Variants in MYH8 observed in about 807,000 individuals in gnomAD.
MYH8 encodes the protein myosin heavy chain 8.
MYH8 carries 168 observed loss-of-function variants against 233.2 expected under a neutral mutation model. The ratio of observed to expected loss-of-function variants is 0.72; its 90% confidence interval spans 0.64 to 0.82. The LOEUF (loss-of-function observed/expected upper bound fraction) is 0.82. Ranked by LOEUF, MYH8 falls within the 40% of genes least tolerant of loss-of-function variation. MYH8 has a pLI of 0.00. For missense variants in MYH8, 1,995 were observed against 2,327.8 expected (o/e 0.86, Z 2.94); for synonymous variants, 785 against 850.6 (o/e 0.92, Z 1.34).
chr17:10,419,026 A>G lies in MYH8; in HGVS notation c.215T>C (p.Leu72Pro). The G allele has an allele frequency of 6.2e-7, 1 of 1,614,090 alleles. No individual in the cohort carries two copies. Among genetic ancestry groups the G allele is most frequent in the Non-Finnish European group, 8.5e-7 (1 of 1,180,030 alleles). Residue 72 changes from leucine (L) to proline (P), a missense_variant, in exon 4 of 40, where the codon CTA (leucine) becomes CCA (proline). Around this residue, in one of 3 missense-constraint regions of MYH8, gnomAD observed 479 missense variants for 600.9 expected, o/e 0.80. Coordinates refer to ENST00000403437, the MANE Select transcript of MYH8 (RefSeq NM_002472.3). This position sits in a 1 kb window ranked among gnomAD's most constrained non-coding sequence, Gnocchi z 4.0. ...GAAGACTTGGTCTTCCCTGACAGTT[A>G]GAGTCTGGTGAGTAAGCAAGAAACC... ...VTVKTEGGAT[L>P]TVREDQVFPM...
Position 10,399,559 on chromosome 17 carries a change from G to A in MYH8, c.3846C>T (p.Arg1282=), listed in dbSNP as rs1297835377. The change falls in exon 28 of 40, where the codon CGC becomes CGT. Residue 1282 remains arginine (R), a synonymous_variant. Transcript: ENST00000403437. The stretch of plus-strand genomic sequence containing the variant: ...TGTCTTTACCCGCTTCTGTCTGCAG[G>A]CGCGCTCTCTGTGCTGTGAGGTCAT... ...LINDLTAQRA[R]LQTEAGEYSR... 10 of 1,613,504 alleles carry A rather than the reference G, an allele frequency of 6.2e-6. No individual in the cohort carries two copies. Among genetic ancestry groups the A allele is most frequent in the Non-Finnish European group, 8.5e-6 (10 of 1,180,016 alleles).
intron 17 of MYH8, among the ~76,000 whole-genome samples, chr17:10,408,598 C>T (rs893919042): frequency 4.6e-5 from 7 of 152,240 alleles, no homozygotes; most frequent in Admixed American, 1.3e-4. Context: ...AGAGATATTT[C>T]GTATCTTAAT....
chr17:10,415,831 A>G lies in MYH8; in HGVS notation c.512-123T>C, dbSNP rs7216301. Reference sequence around the variant, plus strand: ...TTTGAAGATGTCACCTTTGGTTTTGATTTTGTGTTTATCCTCCAAAATAGC... The same window carrying G: ...TTTGAAGATGTCACCTTTGGTTTTGGTTTTGTGTTTATCCTCCAAAATAGC... On this transcript the variant is annotated intron_variant, in intron 5 of 39. Coordinates refer to ENST00000403437, the MANE Select transcript of MYH8 (RefSeq NM_002472.3). This position sits in a 1 kb window ranked among gnomAD's most constrained non-coding sequence, Gnocchi z 4.1. 530,225 of 1,177,878 alleles carry G rather than the reference A, an allele frequency of 0.45. 126,069 individuals are homozygous for G. Among genetic ancestry groups the G allele is most frequent in the East Asian group, 0.85 (33,072 of 38,998 alleles). 73.0% of individuals were successfully genotyped at this position (1,177,878 alleles called of 1,614,324 possible).
chr17:10,401,472 A>G (rs1417362222), intron 23 of MYH8, 21 bp from the exon 24 acceptor site: 3 of 1,614,080 alleles, frequency 1.9e-6, no homozygotes, highest in Non-Finnish European at 2.5e-6. Flanking sequence ...TAAGAAAGAG[A>G]TTATTTCTCC....
chr17:10,400,254 A>T lies in MYH8; in HGVS notation c.3735+136T>A, dbSNP rs971998592. 5.7e-6 allele frequency: 7 copies of T among 1,224,102 alleles called. No homozygotes were observed. Among genetic ancestry groups the T allele is most frequent in the Non-Finnish European group, 8.3e-6 (7 of 844,244 alleles). 75.8% of individuals were successfully genotyped at this position (1,224,102 alleles called of 1,614,324 possible). A position where few individuals can be genotyped will look rare whatever the true frequency, so the allele number is the denominator to read the frequency against. On this transcript the variant is annotated intron_variant, in intron 27 of 39. Transcript: ENST00000403437. The surrounding 1 kb of genome is among the most constrained non-coding windows in gnomAD (Gnocchi z 4.0). ...TCGATCATAACCAGCATTTTAAAAA[A>T]TACCATAGAATGGGATATATTTGGT...
chr17:10,398,545 C>G lies in MYH8; in HGVS notation c.4077G>C (p.Glu1359Asp). The change falls in exon 30 of 40, where the codon GAG becomes GAC. Residue 1359 changes from glutamate to aspartate, a missense_variant. Physicochemically the swap from Glu to Asp is conservative, Grantham distance 45. This residue lies in a region of MYH8 where 1,498 missense variants were observed against 1,680.9 expected (regional missense o/e 0.89). Coordinates refer to ENST00000403437, the MANE Select transcript of MYH8 (RefSeq NM_002472.3). Reference sequence around the variant, plus strand: ...TGGCCTTGGACAGCGCCCTCTGCAGCTCAGCTTTGCCTTCCTGCTCTTCCT... The same window carrying G: ...TGGCCTTGGACAGCGCCCTCTGCAGGTCAGCTTTGCCTTCCTGCTCTTCCT... Reference protein sequence around the residue: ...QYEEEQEGKAELQRALSKANS... With the variant: ...QYEEEQEGKADLQRALSKANS... 6.2e-7 allele frequency: 1 copy of G among 1,614,202 alleles called. No homozygotes were observed. The highest frequency in any genetic ancestry group is 1.6e-4 in the Middle Eastern group (1 of 6,062).
chr17:10,407,763 C>A (rs902019302), intron 17 of MYH8, among the ~76,000 whole-genome samples: 2 of 151,536 alleles, frequency 1.3e-5, no homozygotes, highest in African/African-American at 4.9e-5. Context: ...TACCTGATAC[C>A]AGGAGGCAGA....
chr17:10,415,674 C>G lies in MYH8; in HGVS notation c.539+7G>C. ...TTGCAAATCAGAGAAGAAAAAAAAT[C>G]ACATACGTGATCAGGATGGACTGAT... On this transcript the variant is annotated splice_region_variant and intron_variant, in intron 6 of 39. Transcript: ENST00000403437. The surrounding 1 kb of genome is among the most constrained non-coding windows in gnomAD (Gnocchi z 4.1). The G allele has an allele frequency of 6.2e-7, 1 of 1,613,964 alleles. No homozygotes were observed. The highest frequency in any genetic ancestry group is 8.5e-7 in the Non-Finnish European group (1 of 1,179,890).
Position 10,419,611 on chromosome 17 carries a change from T to C in MYH8, c.210+407A>G, listed in dbSNP as rs563878921. 1.3e-5 allele frequency among the ~76,000 whole-genome samples: 2 copies of C among 152,256 alleles called. No individual in the cohort carries two copies. Among genetic ancestry groups the C allele is most frequent in the Non-Finnish European group, 2.9e-5 (2 of 68,046 alleles). Reference sequence around the variant, plus strand: ...TTATCAGTTTATATCCTTTTTTTCTTATTTTAGTAGGCTAAATTTTTATTT... The same window carrying C: ...TTATCAGTTTATATCCTTTTTTTCTCATTTTAGTAGGCTAAATTTTTATTT... On this transcript the variant is annotated intron_variant, in intron 3 of 39. Transcript: ENST00000403437. This position sits in a 1 kb window ranked among gnomAD's most constrained non-coding sequence, Gnocchi z 4.0.
At position 10,415,455 on chromosome 17, in the gene MYH8, C is replaced by G. The variant is rs2072281771; in HGVS notation, c.648+17G>C. On this transcript the variant is annotated intron_variant, in intron 7 of 39. Coordinates refer to ENST00000403437, the MANE Select transcript of MYH8 (RefSeq NM_002472.3). The surrounding 1 kb of genome is among the most constrained non-coding windows in gnomAD (Gnocchi z 4.1). ...GAGAGCCTTGACAGAGGTTTTGACT[C>G]TGGCTATCAGACCTACCTGCATTTT... is the stretch of plus-strand genomic sequence containing the variant. 1 of 1,613,810 alleles carries G rather than the reference C, an allele frequency of 6.2e-7. No homozygotes were observed. Among genetic ancestry groups the G allele is most frequent in the Non-Finnish European group, 8.5e-7 (1 of 1,179,674 alleles).
In MYH8 at chr17:10,409,207, A is replaced by G. The variant is rs202174032; in HGVS notation, c.1898-43T>C. 81 of 1,613,552 alleles carry G rather than the reference A, an allele frequency of 5.0e-5. No individual in the cohort carries two copies. The East Asian group carries it at 1.8e-3, about 35-fold the overall frequency. On this transcript the variant is annotated intron_variant, in intron 16 of 39. Transcript: ENST00000403437. ...CCCGTGAATAAGAATAGAATACCAGAGGCTTATATGAACATGTATTATAAC... is the reference window on the plus strand; with the variant it reads ...CCCGTGAATAAGAATAGAATACCAGGGGCTTATATGAACATGTATTATAAC...
At position 10,419,165 on chromosome 17, in the gene MYH8, G is replaced by T. The variant is rs1446270312; in HGVS notation, c.211-135C>A. ...CTCCGCCCTCCTGCTTCAAGTGATT[G>T]TCCTGCCTCAGCCTTCTGAGTAGCT... On this transcript the variant is annotated intron_variant, in intron 3 of 39. Coordinates refer to ENST00000403437, the MANE Select transcript of MYH8 (RefSeq NM_002472.3). This position sits in a 1 kb window ranked among gnomAD's most constrained non-coding sequence, Gnocchi z 4.0. 9 of 1,062,762 alleles carry T rather than the reference G, an allele frequency of 8.5e-6. No homozygotes were observed. Among genetic ancestry groups the T allele is most frequent in the Non-Finnish European group, 1.3e-5 (9 of 707,628 alleles). The allele number at this position is 1,062,762 out of a possible 1,614,324, so 65.8% of individuals were successfully genotyped here.
At chr17:10,393,676 GT>G (rs1229072808) in intron 35 of MYH8, among the ~76,000 whole-genome samples, 9 of 152,192 alleles carry the variant, frequency 5.9e-5, no homozygotes, top group Non-Finnish European at 1.2e-4. Context: ...TCAACTCAGT[GT>G]TTCTAGAGAG....
At chr17:10,407,100 T>C in intron 17 of MYH8, 121 bp from the exon 18 acceptor site, 1 of 783,562 alleles carries the variant, frequency 1.3e-6, no homozygotes, top group Non-Finnish European at 2.2e-6. Flanking sequence ...GAGGCTTCAA[T>C]TGCTCTGTAT....
chr17:10,391,505 C>T (rs1345460767), intron 39 of MYH8, among the ~76,000 whole-genome samples: 1 of 151,938 alleles, frequency 6.6e-6, no homozygotes, highest in Non-Finnish European at 1.5e-5. Flanking sequence ...CACGGTGAAG[C>T]CCTGTCTGTA....
intron 30 of MYH8, among the ~76,000 whole-genome samples, 175 bp downstream of exon 30, chr17:10,398,269 A>C (rs1008871398): frequency 1.3e-5 from 2 of 152,250 alleles, no homozygotes; most frequent in African/African-American, 4.8e-5. Context: ...AATGATACCA[A>C]TATAATATTG....
chr17:10,411,138 AGGCCGC>A lies in MYH8; in HGVS notation c.1417-197_1417-192del, dbSNP rs1303633526. 6.6e-5 allele frequency among the ~76,000 whole-genome samples: 10 copies of A among 152,254 alleles called. No homozygotes were observed. In the South Asian group the frequency reaches 1.9e-3, roughly 28 times the overall value. ...ACACCTGTAATCCCAGCACTTTGGG[AGGCCGC>A]GGTGGGTGGATCATGAGGTCAAGAG... is the stretch of plus-strand genomic sequence containing the variant. On this transcript the variant is annotated intron_variant, in intron 14 of 39. Coordinates refer to ENST00000403437, the MANE Select transcript of MYH8 (RefSeq NM_002472.3).
chr17:10,395,591 T>C, intron 33 of MYH8, 150 bp from the exon 34 acceptor site: 1 of 805,348 alleles, frequency 1.2e-6, no homozygotes, highest in East Asian at 2.7e-5. Context: ...TAAATCATTA[T>C]TTTGTTTATT....
intron 35 of MYH8, 69 bp from the exon 36 acceptor site, chr17:10,393,279 A>G: frequency 6.3e-7 from 1 of 1,598,292 alleles, no homozygotes; most frequent in East Asian, 2.2e-5. Context: ...CAAGTGTCTT[A>G]CTTGTTGGTT....
Sources: allele counts gnomAD v4.1 joint callset (sites outside exome capture counted in the v4.1 genomes callset), GRCh38; gene constraint gnomAD v4.1.1; regional missense constraint gnomAD v4.1.1; non-coding constraint Gnocchi (gnomAD v3.1); transcripts MANE v1.5; gene names NCBI Gene and HGNC (gene_info 2026-07-23, HGNC 2026-07-21).